FUCA1: variants seen among roughly 807,000 people sequenced by gnomAD.
FUCA1 encodes the protein alpha-L-fucosidase 1.
In FUCA1, 52 loss-of-function variants were observed where a neutral mutation model predicts 56.8. That is an observed-to-expected ratio of 0.92 (90% CI 0.73 to 1.15). The LOEUF (loss-of-function observed/expected upper bound fraction) is 1.15. FUCA1 is among the 50% of genes most tolerant of loss of function. The probability of loss-of-function intolerance (pLI) is 0.00; values close to 1 mark genes in which losing one functional copy is unlikely to be tolerated. For synonymous variants in FUCA1, 230 were observed against 226.6 expected, an observed-to-expected ratio of 1.02 and a Z score of -0.14; for missense variants, 568 against 592.6, an observed-to-expected ratio of 0.96 and a Z score of 0.43.
At chr1:23,846,275 CT>C (rs11456086) in intron 6 of FUCA1, 102 bp from the exon 7 acceptor site, 31,060 of 628,662 alleles carry the variant, frequency 0.049, no homozygotes, top group South Asian at 0.071. Context: ...CTTTTCTTTT[CT>C]TTTTTTTTTT....
rs1026833196 is a variant in FUCA1 at position 23,846,128 on chromosome 1, C to A, written c.1206G>T (p.Trp402Cys). The change falls in exon 7 of 8, where the codon TGG (tryptophan) becomes TGT (cysteine). Residue 402 changes from tryptophan (W) to cysteine (C), a missense_variant. Coordinates refer to ENST00000374479, the MANE Select transcript of FUCA1 (RefSeq NM_000147.5). ...CAAGGTTTAAGACTCCATTTTCTGG[C>A]CAGTGCAGAAAAATGGCATAAACAG... Reference protein sequence around the residue: ...GSAVYAIFLHWPENGVLNLES... With the variant: ...GSAVYAIFLHCPENGVLNLES... 1.9e-6 allele frequency: 3 copies of A among 1,614,058 alleles called. No individual in the cohort carries two copies. The Admixed American group carries it at 5.0e-5, about 27-fold the overall frequency.
chr1:23,865,473 C>A lies in FUCA1; in HGVS notation c.524+18G>T, dbSNP rs2148449061. ...CAGATCCAAAGAGATAACAGAGTAA[C>A]CATCCCTGGACACTCACCTCTTCCG... On this transcript the variant is annotated intron_variant, in intron 2 of 7. Transcript: ENST00000374479. The A allele has an allele frequency of 6.2e-7, 1 of 1,614,028 alleles. No individual in the cohort carries two copies. Among genetic ancestry groups the A allele is most frequent in the Non-Finnish European group, 8.5e-7 (1 of 1,180,016 alleles).
intron 5 of FUCA1, among the ~76,000 whole-genome samples, chr1:23,851,731 A>G (rs2148440559): frequency 6.6e-6 from 1 of 152,336 alleles, no homozygotes; most frequent in South Asian, 2.1e-4. Context: ...GCTGGAAACC[A>G]TCATTCTTAG....
intron 5 of FUCA1, among the ~76,000 whole-genome samples, chr1:23,851,191 C>T (rs1282113213): frequency 6.6e-6 from 1 of 152,030 alleles, no homozygotes; most frequent in East Asian, 1.9e-4. Flanking sequence ...TGAAGAAACC[C>T]TGTCTCTACT....
intron 1 of FUCA1, among the ~76,000 whole-genome samples, chr1:23,866,314 C>T (rs1361490490): frequency 6.6e-6 from 1 of 152,152 alleles, no homozygotes; most frequent in Non-Finnish European, 1.5e-5. Flanking sequence ...TGTTTCAAAA[C>T]AACAATAACA....
chr1:23,863,283 A>G lies in FUCA1; in HGVS notation c.525-12T>C, dbSNP rs781217118. 6.2e-7 allele frequency: 1 copy of G among 1,611,616 alleles called. No homozygotes were observed. The highest frequency in any genetic ancestry group is 8.5e-7 in the Non-Finnish European group (1 of 1,179,494). ...CATAGCGGATGTTCCTTAAACAGAA[A>G]AACAGAACAGCAACTGTCATTAAGC... On this transcript the variant is annotated splice_polypyrimidine_tract_variant and intron_variant, in intron 2 of 7. Coordinates refer to ENST00000374479, the MANE Select transcript of FUCA1 (RefSeq NM_000147.5).
intron 1 of FUCA1, among the ~76,000 whole-genome samples, chr1:23,866,517 A>C (rs1340861101): frequency 1.3e-5 from 2 of 152,236 alleles, no homozygotes; most frequent in African/African-American, 4.8e-5. Flanking sequence ...TTTATGGTTC[A>C]ATCATTGGCC....
At chr1:23,848,910 A>T (rs1050724029) in intron 5 of FUCA1, 71 bp from the exon 6 acceptor site, 42 of 1,276,230 alleles carry the variant, frequency 3.3e-5, no homozygotes, top group Non-Finnish European at 4.1e-5. Context: ...AAATAGACAG[A>T]GAAGAAAAAG....
Position 23,864,087 on chromosome 1 carries a change from CTTTTTT to C in FUCA1, c.525-822_525-817del, listed in dbSNP as rs765991884. 1.8e-4 allele frequency among the ~76,000 whole-genome samples: 23 copies of C among 131,044 alleles called. No homozygotes were observed. In the East Asian group the frequency reaches 4.5e-3, roughly 26 times the overall value. 86.0% of individuals were successfully genotyped at this position (131,044 alleles called of 152,430 possible). A position where few individuals can be genotyped will look rare whatever the true frequency, so the allele number is the denominator to read the frequency against. ...ACTAATAGTTCTTTCTCTTTTTTTC[CTTTTTT>C]TTTTTTTTTTTGAGATGGAGTCTCG... On this transcript the variant is annotated intron_variant, in intron 2 of 7. Transcript: ENST00000374479.
chr1:23,849,512 C>T (rs570225800), intron 5 of FUCA1, among the ~76,000 whole-genome samples: 15 of 150,774 alleles, frequency 9.9e-5, no homozygotes, highest in South Asian at 6.3e-4. Context: ...ACATTCCTTA[C>T]GCATTGGGCT....
intron 4 of FUCA1, among the ~76,000 whole-genome samples, chr1:23,858,158 A>G (rs2148445117): frequency 6.6e-6 from 1 of 150,914 alleles, no homozygotes; most frequent in East Asian, 2.0e-4. Context: ...TCTGCCTTCC[A>G]GGTTCACACC....
Position 23,859,839 on chromosome 1 carries a change from T to G in FUCA1, c.727A>C (p.Thr243Pro). ...WECPDTYWNS[T>P]NFLSWLYNDS... ...TTGTAGAGCCATGAAAGAAAATTTG[T>G]GGAGTTCCAGTAAGTATCAGGACAT... The change falls in exon 4 of 8, where the codon ACA (threonine) becomes CCA (proline). Residue 243 changes from threonine to proline, a missense_variant. Physicochemically the swap from Thr to Pro is conservative, Grantham distance 38. Transcript: ENST00000374479. 6.2e-7 allele frequency: 1 copy of G among 1,613,596 alleles called. No homozygotes were observed. Among genetic ancestry groups the G allele is most frequent in the Non-Finnish European group, 8.5e-7 (1 of 1,179,504 alleles).
chr1:23,863,320 A>C, intron 2 of FUCA1, 49 bp from the exon 3 acceptor site: 1 of 1,587,700 alleles, frequency 6.3e-7, no homozygotes, highest in Non-Finnish European at 8.6e-7. Context: ...TAGAACAAAT[A>C]ATTTATTTTA....
intron 3 of FUCA1, among the ~76,000 whole-genome samples, chr1:23,861,248 G>A (rs140967752): frequency 0.099 from 14,920 of 150,110 alleles, 822 homozygotes; most frequent in East Asian, 0.21. Context: ...GCGTGAACCC[G>A]GGAGGCGGAG....
rs779017131 is a variant in FUCA1, at chr1:23,865,611, G to C, written c.404C>G (p.Thr135Arg). ...TGTGAAGCCTTCGTGATGCTTTGTC[G>C]TCAAAACTACATACCTGTGGACAGC... ...QAAGAKYVVL[T>R]TKHHEGFTNW... Residue 135 changes from threonine to arginine, a missense_variant, in exon 2 of 8, where the codon ACG becomes AGG. Thr to Arg is a moderately conservative substitution (Grantham distance 71, BLOSUM62 -1). Coordinates refer to ENST00000374479, the MANE Select transcript of FUCA1 (RefSeq NM_000147.5). The C allele has an allele frequency of 2.5e-6, 4 of 1,614,196 alleles. No individual in the cohort carries two copies. The highest frequency in any genetic ancestry group is 3.4e-6 in the Non-Finnish European group (4 of 1,180,038).
rs572162010 is a variant in FUCA1, at chr1:23,859,926, A to G, written c.663-23T>C. On this transcript the variant is annotated intron_variant, in intron 3 of 7. Coordinates refer to ENST00000374479, the MANE Select transcript of FUCA1 (RefSeq NM_000147.5). Reference sequence around the variant, plus strand: ...TAGCTGGAAGACATGTGATCAGGACAGAGCTTATTATCTGAACATGTTCAC... The same window carrying G: ...TAGCTGGAAGACATGTGATCAGGACGGAGCTTATTATCTGAACATGTTCAC... 150 of 1,461,258 alleles carry G rather than the reference A, an allele frequency of 1.0e-4. No individual in the cohort carries two copies. In the South Asian group the frequency reaches 1.6e-3, roughly 16 times the overall value. The allele number at this position is 1,461,258 out of a possible 1,614,324, so 90.5% of individuals were successfully genotyped here. A position where few individuals can be genotyped will look rare whatever the true frequency, so the allele number is the denominator to read the frequency against.
At chr1:23,845,896 C>T in intron 7 of FUCA1, 41 bp from the exon 8 acceptor site, 1 of 1,612,500 alleles carries the variant, frequency 6.2e-7, no homozygotes. Flanking sequence ...TGGTAATGCA[C>T]TAATGAGTAT....
chr1:23,867,977 C>T lies in FUCA1; in HGVS notation c.310G>A (p.Ala104Thr), dbSNP rs1178066635. 3 of 1,597,528 alleles carry T rather than the reference C, an allele frequency of 1.9e-6. No individual in the cohort carries two copies. Among genetic ancestry groups the T allele is most frequent in the South Asian group, 2.2e-5 (2 of 88,928 alleles). The change falls in exon 1 of 8, where the codon GCC becomes ACC. Residue 104 changes from alanine (A) to threonine (T), a missense_variant. By Grantham distance (58) the Ala-to-Thr change is moderately conservative. Transcript: ENST00000374479. The surrounding 1 kb of genome is among the most constrained non-coding windows in gnomAD (Gnocchi z 4.9). ...GCAGTGAACTGCGGTCCGAAGTCGG[C>T]GTAGCTGAAGCCGGGCGGGTAGTTG... ...RDNYPPGFSYADFGPQFTARF... is the reference protein window; with the variant it reads ...RDNYPPGFSYTDFGPQFTARF...
chr1:23,853,128 G>A (rs1363667959), intron 5 of FUCA1, among the ~76,000 whole-genome samples: 9 of 133,122 alleles, frequency 6.8e-5, no homozygotes, highest in Middle Eastern at 5.4e-3. Context: ...CTGCCCCGCC[G>A]CCCCGTCTGG....
Sources: gnomAD v4.1 joint callset for allele counts (sites outside exome capture counted in the v4.1 genomes callset) on GRCh38, gnomAD v4.1.1 for gene constraint, Gnocchi (gnomAD v3.1) non-coding constraint, MANE v1.5 for transcripts, NCBI Gene and HGNC (gene_info 2026-07-23, HGNC 2026-07-21) for gene names.